CSMD1: variants seen among roughly 807,000 people sequenced by gnomAD.
CSMD1 encodes CUB and sushi domain-containing protein 1.
Under a neutral mutation model 417.5 loss-of-function variants are expected in CSMD1, and 213 were observed. The ratio of observed to expected loss-of-function variants is 0.51; its 90% CI spans 0.46 to 0.57. The LOEUF (loss-of-function observed/expected upper bound fraction) is 0.57, where lower values mean the gene tolerates loss of function less well. CSMD1 is among the 20% of genes least tolerant of loss of function. The probability of loss-of-function intolerance (pLI) is 0.00; values close to 1 mark genes in which losing one functional copy is unlikely to be tolerated. For synonymous variants in CSMD1, 2,862 were observed against 1,736.8 expected (o/e 1.65, Z -16.11); for missense variants, 6,923 against 4,529.7 (o/e 1.53, Z -15.17).
intron 18 of CSMD1, among the ~76,000 whole-genome samples, chr8:3,371,032 A>G (rs554647958): frequency 6.6e-6 from 1 of 151,876 alleles, no homozygotes; most frequent in East Asian, 1.9e-4. Flanking sequence ...TGGGACATCC[A>G]TCTTCTCTTG....
chr8:4,192,822 G>A (rs766702280), intron 3 of CSMD1, among the ~76,000 whole-genome samples: 2 of 152,224 alleles, frequency 1.3e-5, no homozygotes, highest in Non-Finnish European at 1.5e-5. Context: ...ATTACTTGTG[G>A]TAAACGCTAT....
intron 46 of CSMD1, among the ~76,000 whole-genome samples, chr8:3,101,938 A>T (rs1006882019): frequency 6.6e-6 from 1 of 151,122 alleles, no homozygotes; most frequent in Non-Finnish European, 1.5e-5. Context: ...AGCAGCTGGG[A>T]TTACAGATGT....
intron 7 of CSMD1, among the ~76,000 whole-genome samples, chr8:3,650,114 A>T (rs1178935500): frequency 6.6e-6 from 1 of 152,114 alleles, no homozygotes; most frequent in Non-Finnish European, 1.5e-5. Context: ...CCTTGTCTCT[A>T]CTAAAAATAC....
At chr8:4,372,019 C>T (rs934980038) in intron 3 of CSMD1, among the ~76,000 whole-genome samples, 1 of 152,088 alleles carries the variant, frequency 6.6e-6, no homozygotes, top group Non-Finnish European at 1.5e-5. Context: ...AGGTTCAGCA[C>T]GATATAGCTA....
chr8:3,999,059 T>C (rs1448693766), intron 4 of CSMD1, among the ~76,000 whole-genome samples: 22 of 150,400 alleles, frequency 1.5e-4, no homozygotes, highest in Admixed American at 1.4e-3. Flanking sequence ...ATGTTATATA[T>C]ATAAATTACA....
intron 12 of CSMD1, 21 bp downstream of exon 12, chr8:3,468,691 T>A (rs773625531): frequency 4.7e-6 from 7 of 1,490,740 alleles, no homozygotes; most frequent in Non-Finnish European, 6.5e-6. Context: ...TCCAACCCTG[T>A]GAAGTGTAAT....
Position 2,961,173 on chromosome 8 carries a change from A to C in CSMD1, c.9670T>G (p.Phe3224Val). The change falls in exon 62 of 70, where the codon TTT becomes GTT. Residue 3224 changes from phenylalanine (F) to valine (V), a missense_variant. Coordinates refer to ENST00000635120, the MANE Select transcript of CSMD1 (RefSeq NM_033225.6). ...CCTCTGGAGCTATTCTGTATTCCAA[A>C]GTGTGGCGTACCAGGGTCTGGGCAG... is the stretch of plus-strand genomic sequence containing the variant. The part of the protein sequence containing the change: ...NTCPDPGTPH[F>V]GIQNSSRGYE... 1.2e-6 allele frequency: 2 copies of C among 1,603,418 alleles called. No homozygotes were observed. Among genetic ancestry groups the C allele is most frequent in the Middle Eastern group, 1.7e-4 (1 of 6,028 alleles).
chr8:3,530,116 A>C (rs1797916349), intron 10 of CSMD1, among the ~76,000 whole-genome samples: 1 of 152,172 alleles, frequency 6.6e-6, no homozygotes, highest in African/African-American at 2.4e-5. Flanking sequence ...TGATCTTTTC[A>C]AAAAGCAACT....
intron 1 of CSMD1, among the ~76,000 whole-genome samples, chr8:4,910,147 G>A (rs1392360269): frequency 1.3e-5 from 2 of 152,136 alleles, no homozygotes; most frequent in East Asian, 1.9e-4. Context: ...TTATAATGTT[G>A]CAGAACATAT....
chr8:4,082,645 G>A (rs1765328402), intron 3 of CSMD1, among the ~76,000 whole-genome samples: 1 of 151,744 alleles, frequency 6.6e-6, no homozygotes, highest in Admixed American at 6.6e-5. Flanking sequence ...TTAACTTTTA[G>A]GGTACATGTG....
chr8:3,406,330 A>C, intron 14 of CSMD1, 109 bp from the exon 15 acceptor site: 1 of 787,998 alleles, frequency 1.3e-6, no homozygotes. Flanking sequence ...TATAATGTAT[A>C]TAATTATATA....
intron 23 of CSMD1, among the ~76,000 whole-genome samples, chr8:3,310,481 G>C (rs995438506): frequency 6.6e-6 from 1 of 152,196 alleles, no homozygotes; most frequent in Admixed American, 6.5e-5. Flanking sequence ...CACACTTGGA[G>C]TCCACCTCCC....
chr8:3,024,073 T>G (rs1318794232), intron 51 of CSMD1, among the ~76,000 whole-genome samples: 1 of 152,124 alleles, frequency 6.6e-6, no homozygotes, highest in Non-Finnish European at 1.5e-5. Context: ...TTTAATTTCC[T>G]GGGGTTTATC....
intron 18 of CSMD1, among the ~76,000 whole-genome samples, chr8:3,378,469 C>A (rs1164500757): frequency 2.6e-5 from 4 of 152,134 alleles, no homozygotes; most frequent in Admixed American, 1.3e-4. Context: ...AGGCCAATAT[C>A]CCTGAAGAAC....
chr8:4,165,264 G>C (rs995775478), intron 3 of CSMD1, among the ~76,000 whole-genome samples: 12 of 152,226 alleles, frequency 7.9e-5, no homozygotes, highest in Non-Finnish European at 1.8e-4. Context: ...CTGTTGCAGC[G>C]AAAGTTACAG....
rs1809537251 is a variant in CSMD1 at position 4,962,177 on chromosome 8, GTAAATTTCTGC to G, written c.85+32144_85+32154del. 2.1e-5 allele frequency among the ~76,000 whole-genome samples: 3 copies of G among 141,758 alleles called. No individual in the cohort carries two copies. In the South Asian group the frequency reaches 7.0e-4, roughly 33 times the overall value. 93.0% of individuals were successfully genotyped at this position (141,758 alleles called of 152,430 possible). A position where few individuals can be genotyped will look rare whatever the true frequency, so the allele number is the denominator to read the frequency against. On this transcript the variant is annotated intron_variant, in intron 1 of 69. Coordinates refer to ENST00000635120, the MANE Select transcript of CSMD1 (RefSeq NM_033225.6). The stretch of plus-strand genomic sequence containing the variant: ...TGAAACACAAAACAATAATATAAAT[GTAAATTTCTGC>G]TTTTTTTTTAAAAAAAAAAGAAAAA...
intron 5 of CSMD1, among the ~76,000 whole-genome samples, chr8:3,847,756 A>G (rs150837448): frequency 6.6e-6 from 1 of 152,146 alleles, no homozygotes; most frequent in Non-Finnish European, 1.5e-5. Flanking sequence ...TTCCAGCTCC[A>G]TATGTTCCTT....
chr8:4,263,990 G>T (rs775631591), intron 3 of CSMD1, among the ~76,000 whole-genome samples: 12 of 152,152 alleles, frequency 7.9e-5, no homozygotes, highest in Non-Finnish European at 1.5e-4. Flanking sequence ...GAGACAACAT[G>T]TCTTAGAAGT....
chr8:4,992,898 G>A lies in CSMD1; in HGVS notation c.85+1434C>T, dbSNP rs183739967. 6.6e-4 allele frequency among the ~76,000 whole-genome samples: 100 copies of A among 152,304 alleles called. No individual in the cohort carries two copies. The Middle Eastern group carries it at 0.014, about 21-fold the overall frequency. On this transcript the variant is annotated intron_variant, in intron 1 of 69. Transcript: ENST00000635120. ...CCCCGAGATCTCGGGGCGCATTCCC[G>A]CAGACACCCCCTTGTGAGGGTGGAT...
Sources: allele counts gnomAD v4.1 joint callset (sites outside exome capture counted in the v4.1 genomes callset), GRCh38; gene constraint gnomAD v4.1.1; transcripts MANE v1.5; gene names NCBI Gene and HGNC (gene_info 2026-07-23, HGNC 2026-07-21).